Variants in SEC23B observed in about 807,000 individuals in gnomAD.
SEC23B encodes the protein SEC23 homolog B, COPII component.
SEC23B carries 77 observed loss-of-function variants against 104.3 expected under a neutral mutation model. The ratio of observed to expected loss-of-function variants is 0.74; its 90% CI spans 0.61 to 0.89. The LOEUF is 0.89. Among genes scored for constraint, SEC23B ranks in the 40% least tolerant of loss-of-function variants. The pLI, the probability that SEC23B is intolerant of heterozygous loss-of-function variation, is 0.00. For synonymous variants in SEC23B, 338 were observed against 332.5 expected (o/e 1.02, Z -0.18); for missense variants, 885 against 949.4 (o/e 0.93, Z 0.89).
chr20:18,515,443 TG>T (rs1027489512), intron 3 of SEC23B, among the ~76,000 whole-genome samples: 1 of 152,156 alleles, frequency 6.6e-6, no homozygotes, highest in Non-Finnish European at 1.5e-5. Flanking sequence ...TCTGAGTAGC[TG>T]GGACTACAGG....
chr20:18,555,427 A>G (rs918880644), intron 19 of SEC23B, among the ~76,000 whole-genome samples: 1 of 152,052 alleles, frequency 6.6e-6, no homozygotes, highest in African/African-American at 2.4e-5. Context: ...GGGACAGAGC[A>G]CTGTACTGTG....
chr20:18,554,481 T>C, intron 18 of SEC23B, 91 bp downstream of exon 18: 2 of 1,471,680 alleles, frequency 1.4e-6, no homozygotes, highest in Non-Finnish European at 1.9e-6. Flanking sequence ...TAATATTTTA[T>C]GTGATGACAT....
At chr20:18,524,818 G>A (rs942379085) in intron 5 of SEC23B, 117 bp from the exon 6 acceptor site, 2 of 1,261,214 alleles carry the variant, frequency 1.6e-6, no homozygotes, top group African/African-American at 3.0e-5. Flanking sequence ...TCAGCCTCAT[G>A]AGTAGGTGGG....
In SEC23B at chr20:18,510,978, G is replaced by C; in HGVS notation, c.143G>C (p.Arg48Pro). 1 of 1,614,098 alleles carries C rather than the reference G, an allele frequency of 6.2e-7. No individual in the cohort carries two copies. The highest frequency in any genetic ancestry group is 8.5e-7 in the Non-Finnish European group (1 of 1,180,002). Residue 48 changes from arginine (R) to proline (P), a missense_variant, in exon 2 of 20, where the codon CGT (arginine) becomes CCT (proline). By Grantham distance (103) the Arg-to-Pro change is moderately radical. Transcript: ENST00000650089. ...LACLLTPLKE[R>P]PDLPPVQYEP... ...TGTCTCCTTACTCCTTTGAAAGAAC[G>C]TCCAGACCTACCTCCTGTACAATAT... is the stretch of plus-strand genomic sequence containing the variant.
chr20:18,555,707 T>C lies in SEC23B; in HGVS notation c.2214+534T>C, dbSNP rs143907112. On this transcript the variant is annotated intron_variant, in intron 19 of 19. Coordinates refer to ENST00000650089, the MANE Select transcript of SEC23B (RefSeq NM_006363.6). ...TTTTGAGATATTGTAAATTTACATA[T>C]AGTTGTAAGAAATAATACAGAGAGA... Among the ~76,000 whole-genome samples, 282 of 152,244 alleles carry C rather than the reference T, an allele frequency of 1.9e-3. 2 individuals carry two copies. Among genetic ancestry groups the C allele is most frequent in the African/African-American group, 6.6e-3 (273 of 41,524 alleles).
Position 18,530,791 on chromosome 20 carries a change from T to C in SEC23B, c.1221T>C (p.Thr407=). 1 of 1,612,500 alleles carries C rather than the reference T, an allele frequency of 6.2e-7. No homozygotes were observed. The highest frequency in any genetic ancestry group is 8.5e-7 in the Non-Finnish European group (1 of 1,179,178). The part of the protein sequence containing the change: ...NGDFRMAFGA[T]LDVKTSRELK... ...ATTTCCGAATGGCATTTGGTGCTAC[T>C]TTGGACGTAAAGGTACGGTAAACTT... is the stretch of plus-strand genomic sequence containing the variant. The change falls in exon 10 of 20, where the codon ACT becomes ACC. Residue 407 remains threonine, a synonymous_variant. Coordinates refer to ENST00000650089, the MANE Select transcript of SEC23B (RefSeq NM_006363.6).
intron 14 of SEC23B, among the ~76,000 whole-genome samples, chr20:18,544,389 G>T (rs775104216): frequency 4.3e-4 from 65 of 152,150 alleles, no homozygotes; most frequent in Non-Finnish European, 8.1e-4. Flanking sequence ...GGGCCCAGGT[G>T]GCTAACAAAG....
At chr20:18,548,904 T>G (rs1353107966) in intron 16 of SEC23B, 134 bp downstream of exon 16, 1 of 818,108 alleles carries the variant, frequency 1.2e-6, no homozygotes, top group African/African-American at 1.7e-5. Context: ...ACATTATTTC[T>G]ATTAAAAAAT....
chr20:18,532,650 CA>C lies in SEC23B; in HGVS notation c.1234-13del. On this transcript the variant is annotated splice_polypyrimidine_tract_variant and intron_variant, in intron 10 of 19. Coordinates refer to ENST00000650089, the MANE Select transcript of SEC23B (RefSeq NM_006363.6). ...AGTGATCTTTAACTTTACACTGTCA[CA>C]TATTTGTTATAGACCTCTCGGGAAC... is the stretch of plus-strand genomic sequence containing the variant. 1 of 1,593,744 alleles carries C rather than the reference CA, an allele frequency of 6.3e-7. No homozygotes were observed. Among genetic ancestry groups the C allele is most frequent in the Non-Finnish European group, 8.6e-7 (1 of 1,161,434 alleles).
intron 1 of SEC23B, among the ~76,000 whole-genome samples, chr20:18,510,119 T>TTTA (rs2059968796): frequency 1.3e-5 from 2 of 151,908 alleles, no homozygotes; most frequent in African/African-American, 4.8e-5. Context: ...TCACTTGGAA[T>TTTA]GTAAAATTTA....
At chr20:18,558,583 C>A (rs770540907) in intron 19 of SEC23B, among the ~76,000 whole-genome samples, 10 of 152,158 alleles carry the variant, frequency 6.6e-5, no homozygotes, top group Non-Finnish European at 7.4e-5. Flanking sequence ...TACTACATTT[C>A]CATGTATTTT....
Position 18,541,271 on chromosome 20 carries a change from A to G in SEC23B, c.1405-1025A>G, listed in dbSNP as rs184837137. Among the ~76,000 whole-genome samples the G allele has an allele frequency of 1.9e-3, 282 of 152,362 alleles. 1 individual carries two copies. Among genetic ancestry groups the G allele is most frequent in the Non-Finnish European group, 3.5e-3 (239 of 68,032 alleles). Reference sequence around the variant, plus strand: ...AATGTTGTATCTGGTTTGATTTTCTATTCAGACTACTAAAACATTCTCCAC... The same window carrying G: ...AATGTTGTATCTGGTTTGATTTTCTGTTCAGACTACTAAAACATTCTCCAC... On this transcript the variant is annotated intron_variant, in intron 12 of 19. Coordinates refer to ENST00000650089, the MANE Select transcript of SEC23B (RefSeq NM_006363.6).
At chr20:18,526,567 G>T (rs2060136317) in intron 8 of SEC23B, 36 bp downstream of exon 8, 4 of 1,613,004 alleles carry the variant, frequency 2.5e-6, no homozygotes, top group Non-Finnish European at 3.4e-6. Context: ...AATTCTGAAA[G>T]CCCATTGTCA....
Position 18,557,745 on chromosome 20 carries a change from C to T in SEC23B, c.2214+2572C>T, listed in dbSNP as rs1489662386. 6.0e-5 allele frequency among the ~76,000 whole-genome samples: 7 copies of T among 116,798 alleles called. No individual in the cohort carries two copies. In the East Asian group the frequency reaches 7.4e-4, roughly 12 times the overall value. 76.6% of individuals were successfully genotyped at this position (116,798 alleles called of 152,430 possible). Reference sequence around the variant, plus strand: ...CCATTCTTTTTTTCTTTTTTCTTTTCTTTTTTTTTTTTTTTTGTTTTTTTG... The same window carrying T: ...CCATTCTTTTTTTCTTTTTTCTTTTTTTTTTTTTTTTTTTTTGTTTTTTTG... On this transcript the variant is annotated intron_variant, in intron 19 of 19. Coordinates refer to ENST00000650089, the MANE Select transcript of SEC23B (RefSeq NM_006363.6).
chr20:18,548,230 C>T (rs1326862904), intron 15 of SEC23B, among the ~76,000 whole-genome samples: 2 of 151,626 alleles, frequency 1.3e-5, no homozygotes, highest in Non-Finnish European at 2.9e-5. Flanking sequence ...GGATTACAGG[C>T]GTGAGCCACC....
chr20:18,537,745 A>AAAAT (rs755396631), intron 12 of SEC23B, among the ~76,000 whole-genome samples: 1 of 152,050 alleles, frequency 6.6e-6, no homozygotes, highest in Non-Finnish European at 1.5e-5. Context: ...ATAATAATAA[A>AAAAT]AAATAAATAA....
chr20:18,508,061 G>A (rs2059946766), intron 1 of SEC23B, 89 bp downstream of exon 1: 1 of 152,532 alleles, frequency 6.6e-6, no homozygotes, highest in Admixed American at 6.5e-5. Context: ...CGAGGTGAGC[G>A]GCTTCTGGGA....
At chr20:18,553,412 C>T (rs1036728975) in intron 17 of SEC23B, among the ~76,000 whole-genome samples, 3 of 152,224 alleles carry the variant, frequency 2.0e-5, no homozygotes, top group Non-Finnish European at 4.4e-5. Context: ...TGCACACTTG[C>T]TGTAGCCTCT....
intron 13 of SEC23B, among the ~76,000 whole-genome samples, 167 bp from the exon 14 acceptor site, chr20:18,542,852 T>A (rs532663486): frequency 6.6e-6 from 1 of 152,314 alleles, no homozygotes; most frequent in East Asian, 1.9e-4. Flanking sequence ...TTGCCCAGGC[T>A]GGTCTTGAAC....
Sources: allele counts gnomAD v4.1 joint callset (sites outside exome capture counted in the v4.1 genomes callset), GRCh38; gene constraint gnomAD v4.1.1; transcripts MANE v1.5; gene names NCBI Gene and HGNC (gene_info 2026-07-23, HGNC 2026-07-21).